The following RGS12 variants were observed in gnomAD, a reference collection of about 807,000 sequenced individuals.
RGS12 encodes the protein regulator of G-protein signaling 12.
A neutral mutation model predicts 120.1 loss-of-function variants in RGS12; 66 were observed. That is an observed-to-expected ratio of 0.55 (90% confidence interval 0.45 to 0.67). The LOEUF (loss-of-function observed/expected upper bound fraction) is 0.67. RGS12 is among the 30% of genes least tolerant of loss of function. The pLI is 0.00. For synonymous variants in RGS12, 827 were observed against 804.7 expected, an observed-to-expected ratio of 1.03 and a Z score of -0.47; for missense variants, 1,859 against 1,957.7, an observed-to-expected ratio of 0.95 and a Z score of 0.95.
rs1337805929 is a variant in RGS12 at position 3,433,579 on chromosome 4, A to G, written c.4114+2624A>G. ...CATCCTAGCCCCAGCACCACGTGCC[A>G]TGCCACCCTGTCCTAGCCCCAGTGC... On this transcript the variant is annotated intron_variant, in intron 17 of 17. Transcript: ENST00000336727. The surrounding 1 kb of genome is among the most constrained non-coding windows in gnomAD (Gnocchi z 4.4). Among the ~76,000 whole-genome samples, 1 of 140,186 alleles carries G rather than the reference A, an allele frequency of 7.1e-6. No individual in the cohort carries two copies. The highest frequency in any genetic ancestry group is 2.1e-4 in the East Asian group (1 of 4,666). 92.0% of individuals were successfully genotyped at this position (140,186 alleles called of 152,430 possible). A position where few individuals can be genotyped will look rare whatever the true frequency, so the allele number is the denominator to read the frequency against.
At chr4:3,348,158 A>G (rs1430313157) in intron 3 of RGS12, among the ~76,000 whole-genome samples, 1 of 152,220 alleles carries the variant, frequency 6.6e-6, no homozygotes, top group Non-Finnish European at 1.5e-5. Context: ...CCCATCAAAG[A>G]TGCCAAAAGA....
intron 4 of RGS12, among the ~76,000 whole-genome samples, chr4:3,392,567 C>T (rs776300791): frequency 1.3e-5 from 2 of 152,232 alleles, no homozygotes; most frequent in Non-Finnish European, 2.9e-5. Flanking sequence ...ATATACAGCT[C>T]ATTCCCTCCT....
intron 2 of RGS12, among the ~76,000 whole-genome samples, chr4:3,341,199 T>A (rs1053358769): frequency 3.1e-5 from 3 of 96,500 alleles, no homozygotes; most frequent in African/African-American, 1.3e-4. Context: ...GAGATGGGGG[T>A]GTGGGCAGGG....
chr4:3,431,318 T>TTA, intron 17 of RGS12: 1 of 1,106,242 alleles, frequency 9.0e-7, no homozygotes, highest in Non-Finnish European at 1.1e-6. Context: ...CAGCGATCGT[T>TTA]TTTAGTGTTT....
chr4:3,409,911 C>G (rs529937492), intron 4 of RGS12, among the ~76,000 whole-genome samples: 11 of 152,320 alleles, frequency 7.2e-5, no homozygotes, highest in African/African-American at 2.4e-4. Context: ...CCAGAGGGAC[C>G]CTGCAGTCTC....
intron 3 of RGS12, among the ~76,000 whole-genome samples, chr4:3,382,612 GA>G (rs1299542967): frequency 6.6e-6 from 1 of 151,978 alleles, no homozygotes; most frequent in African/African-American, 2.4e-5. Context: ...TTGAATCTCA[GA>G]TCCTGAGGAG....
chr4:3,388,700 A>G (rs1475263436), intron 4 of RGS12, among the ~76,000 whole-genome samples: 1 of 152,228 alleles, frequency 6.6e-6, no homozygotes, highest in Non-Finnish European at 1.5e-5. Context: ...TCAGGCAGAA[A>G]GAGGCCCCCT....
intron 4 of RGS12, among the ~76,000 whole-genome samples, chr4:3,393,459 G>A (rs1227234517): frequency 6.6e-6 from 1 of 152,100 alleles, no homozygotes; most frequent in Non-Finnish European, 1.5e-5. Flanking sequence ...GGCCTTCCCC[G>A]ATTCTGACCT....
chr4:3,295,864 AGTT>A (rs1163699710), intron 1 of RGS12, among the ~76,000 whole-genome samples: 2 of 152,154 alleles, frequency 1.3e-5, no homozygotes, highest in Non-Finnish European at 2.9e-5. Flanking sequence ...TTCCCTTCCC[AGTT>A]GTATGAGTTT....
At chr4:3,332,482 C>G (rs1711971031) in intron 2 of RGS12, among the ~76,000 whole-genome samples, 1 of 152,236 alleles carries the variant, frequency 6.6e-6, no homozygotes, top group South Asian at 2.1e-4. Flanking sequence ...TCATAACGCA[C>G]TAGTGAGCAT....
intron 2 of RGS12, among the ~76,000 whole-genome samples, chr4:3,320,484 G>A (rs1175731188): frequency 2.6e-5 from 4 of 152,218 alleles, no homozygotes; most frequent in South Asian, 4.1e-4. Flanking sequence ...CAGGCCAGGC[G>A]ATTGAGGTTT....
chr4:3,392,245 C>T (rs939714902), intron 4 of RGS12, among the ~76,000 whole-genome samples: 1 of 152,172 alleles, frequency 6.6e-6, no homozygotes. Context: ...GAGATCCCCT[C>T]TGGGCATACC....
intron 11 of RGS12, 60 bp from the exon 12 acceptor site, chr4:3,422,845 G>A (rs925067113): frequency 1.4e-6 from 2 of 1,450,872 alleles, no homozygotes; most frequent in Non-Finnish European, 1.9e-6. Context: ...GGGCACGTGG[G>A]TCTGCGTTTG....
At chr4:3,354,959 A>G (rs546978655) in intron 3 of RGS12, among the ~76,000 whole-genome samples, 1 of 152,362 alleles carries the variant, frequency 6.6e-6, no homozygotes, top group South Asian at 2.1e-4. Context: ...TTATGAGGCT[A>G]CCATATAACC....
At chr4:3,413,960 T>A in intron 4 of RGS12, 112 bp from the exon 5 acceptor site, 1 of 1,117,788 alleles carries the variant, frequency 8.9e-7, no homozygotes, top group Middle Eastern at 2.0e-4. Context: ...GAATGGGTGT[T>A]GGAGGGGACA....
chr4:3,421,349 T>C (rs1722999304), intron 10 of RGS12, among the ~76,000 whole-genome samples: 1 of 152,266 alleles, frequency 6.6e-6, no homozygotes, highest in Admixed American at 6.5e-5. Flanking sequence ...GGAATGAATG[T>C]AGAATATAAT....
chr4:3,364,679 G>T (rs1716114427), intron 3 of RGS12, among the ~76,000 whole-genome samples: 1 of 152,092 alleles, frequency 6.6e-6, no homozygotes, highest in African/African-American at 2.4e-5. Flanking sequence ...CAGAGGGAGG[G>T]AGAGCCGGGC....
chr4:3,392,061 T>A (rs1321265834), intron 4 of RGS12, among the ~76,000 whole-genome samples: 1 of 152,120 alleles, frequency 6.6e-6, no homozygotes, highest in South Asian at 2.1e-4. Flanking sequence ...AAAGAAAGCA[T>A]TATGTAGATT....
At chr4:3,430,186 A>G (rs1367740004) in intron 16 of RGS12, among the ~76,000 whole-genome samples, 1 of 152,210 alleles carries the variant, frequency 6.6e-6, no homozygotes, top group Non-Finnish European at 1.5e-5. Context: ...GGGAGTACAC[A>G]GCTTTTTCAG....
Sources: gnomAD v4.1 joint callset for allele counts (sites outside exome capture counted in the v4.1 genomes callset) on GRCh38, gnomAD v4.1.1 for gene constraint, Gnocchi (gnomAD v3.1) non-coding constraint, MANE v1.5 for transcripts, NCBI Gene and HGNC (gene_info 2026-07-23, HGNC 2026-07-21) for gene names.